BCAS3: variants seen among roughly 807,000 people sequenced by gnomAD.
The protein encoded by BCAS3 is BCAS3 microtubule associated cell migration factor.
A neutral mutation model predicts 116.1 loss-of-function variants in BCAS3; 53 were observed. The ratio of observed to expected loss-of-function variants is 0.46; its 90% CI spans 0.37 to 0.57. The LOEUF (loss-of-function observed/expected upper bound fraction) is 0.57, where lower values mean the gene tolerates loss of function less well. Among genes scored for constraint, BCAS3 ranks in the 20% least tolerant of loss-of-function variants. BCAS3 has a pLI of 0.00. For missense variants in BCAS3, 917 were observed against 1,165.4 expected (o/e 0.79, Z 3.10); for synonymous variants, 391 against 408.2 (o/e 0.96, Z 0.51).
chr17:61,070,893 G>A (rs928636648), intron 19 of BCAS3, among the ~76,000 whole-genome samples: 7 of 152,146 alleles, frequency 4.6e-5, no homozygotes, highest in Non-Finnish European at 7.3e-5. Flanking sequence ...CTGTAAAACA[G>A]AAGCCACCTA....
intron 22 of BCAS3, among the ~76,000 whole-genome samples, chr17:61,322,622 T>G (rs1172912781): frequency 6.6e-6 from 1 of 152,060 alleles, no homozygotes; most frequent in East Asian, 1.9e-4. Context: ...TTCAAACAAG[T>G]GAGTTGTGTT....
intron 22 of BCAS3, among the ~76,000 whole-genome samples, chr17:61,357,531 G>A (rs1305464124): frequency 6.7e-6 from 1 of 149,048 alleles, no homozygotes; most frequent in East Asian, 2.0e-4. Context: ...TGCAGCCTCT[G>A]CCTCCTGGGT....
At chr17:61,060,681 C>T (rs1488575788) in intron 19 of BCAS3, among the ~76,000 whole-genome samples, 1 of 152,072 alleles carries the variant, frequency 6.6e-6, no homozygotes, top group African/African-American at 2.4e-5. Flanking sequence ...ATTGGAGAAA[C>T]GTTAGACGTA....
rs1363127956 is a variant in BCAS3, at chr17:61,208,303, G to A, written c.2425+123739G>A. ...AAAGCGGGACTCTTCTCCTCCCAGG[G>A]ACCAGAGAATTTTCTTCTTGATGTT... On this transcript the variant is annotated intron_variant, in intron 22 of 23. Transcript: ENST00000407086. This position sits in a 1 kb window ranked among gnomAD's most constrained non-coding sequence, Gnocchi z 4.5. Among the ~76,000 whole-genome samples the A allele has an allele frequency of 1.3e-5, 2 of 152,092 alleles. No homozygotes were observed. The highest frequency in any genetic ancestry group is 3.9e-4 in the East Asian group (2 of 5,182).
chr17:61,247,360 G>A (rs1055929610), intron 22 of BCAS3, among the ~76,000 whole-genome samples: 29 of 152,014 alleles, frequency 1.9e-4, no homozygotes, highest in Admixed American at 3.3e-4. Context: ...TGAGTGGAGA[G>A]GTCACTTATC....
chr17:60,824,702 A>G (rs559936266), intron 7 of BCAS3, among the ~76,000 whole-genome samples: 136 of 152,282 alleles, frequency 8.9e-4, no homozygotes, highest in African/African-American at 2.8e-3. Context: ...TTGAATATTT[A>G]TAATCCCCCT....
intron 13 of BCAS3, among the ~76,000 whole-genome samples, chr17:60,938,711 A>AAGAT (rs77328962): frequency 0.34 from 49,396 of 146,534 alleles, 8,264 homozygotes; most frequent in Non-Finnish European, 0.35. Flanking sequence ...TTTCTGATAG[A>AAGAT]AGATAGATAG....
At chr17:61,075,236 A>T (rs2071856643) in intron 20 of BCAS3, among the ~76,000 whole-genome samples, 1 of 152,166 alleles carries the variant, frequency 6.6e-6, no homozygotes, top group Non-Finnish European at 1.5e-5. Context: ...ATATATATAT[A>T]TGTTAGCTTC....
At chr17:60,823,219 C>A (rs2050108458) in intron 7 of BCAS3, among the ~76,000 whole-genome samples, 1 of 152,036 alleles carries the variant, frequency 6.6e-6, no homozygotes, top group Non-Finnish European at 1.5e-5. Context: ...CTGTAGTTTG[C>A]CATGTTTCCC....
intron 13 of BCAS3, among the ~76,000 whole-genome samples, chr17:60,932,911 A>G (rs1030718180): frequency 6.6e-6 from 1 of 152,052 alleles, no homozygotes; most frequent in Non-Finnish European, 1.5e-5. Flanking sequence ...GCGGTGGCTC[A>G]TCCCAGTAAT....
intron 14 of BCAS3, among the ~76,000 whole-genome samples, chr17:60,978,316 G>C (rs2062559561): frequency 6.8e-6 from 1 of 147,506 alleles, no homozygotes. Context: ...AGAAGTGTCT[G>C]TTCATGTCCT....
chr17:60,762,248 G>C (rs1294518003), intron 6 of BCAS3, among the ~76,000 whole-genome samples: 1 of 152,078 alleles, frequency 6.6e-6, no homozygotes, highest in Non-Finnish European at 1.5e-5. Flanking sequence ...CATTGCTTTT[G>C]GTGTTTTAGT....
chr17:60,703,140 T>C lies in BCAS3; in HGVS notation c.215-6079T>C, dbSNP rs187853836. On this transcript the variant is annotated intron_variant, in intron 4 of 23. Transcript: ENST00000407086. ...AAATACAAAAATTAGCTGGGTGTTG[T>C]GGCAGGTGCCTCTAATCCCAGCTAC... 1.8e-4 allele frequency among the ~76,000 whole-genome samples: 27 copies of C among 151,918 alleles called. No individual in the cohort carries two copies. The East Asian group carries it at 3.9e-3, about 22-fold the overall frequency.
In BCAS3 at chr17:60,902,620, T is replaced by G. The variant is rs1216432831; in HGVS notation, c.739T>G (p.Leu247Val). ...SRWLAYAENK[L>V]IRCHQSRGGA... ...GCTTCTCTCTCTCTCTTTTTCTCAGTTGATTCGATGTCATCAGTCCCGTGG... is the reference window on the plus strand; with the variant it reads ...GCTTCTCTCTCTCTCTTTTTCTCAGGTGATTCGATGTCATCAGTCCCGTGG... The change falls in exon 11 of 24, where the codon TTG becomes GTG. Residue 247 changes from leucine (L) to valine (V), a missense_variant and splice_region_variant. Leu to Val is a conservative substitution (Grantham distance 32). This residue lies in a region of BCAS3 where 807 missense variants were observed against 1,026.0 expected (regional missense o/e 0.79). Coordinates refer to ENST00000407086, the MANE Select transcript of BCAS3 (RefSeq NM_017679.5). The G allele has an allele frequency of 6.2e-7, 1 of 1,605,572 alleles. No homozygotes were observed. The highest frequency in any genetic ancestry group is 1.3e-5 in the African/African-American group (1 of 74,860).
Position 61,126,853 on chromosome 17 carries a change from C to T in BCAS3, c.2425+42289C>T, listed in dbSNP as rs1030522503. 3.9e-5 allele frequency among the ~76,000 whole-genome samples: 6 copies of T among 152,012 alleles called. No individual in the cohort carries two copies. The highest frequency in any genetic ancestry group is 4.2e-4 in the South Asian group (2 of 4,814). ...TTCTTTGTGGGAAAAATATTACAAC[C>T]GTATCATTACTACTTTGAATACAGG... On this transcript the variant is annotated intron_variant, in intron 22 of 23. Coordinates refer to ENST00000407086, the MANE Select transcript of BCAS3 (RefSeq NM_017679.5). This position sits in a 1 kb window ranked among gnomAD's most constrained non-coding sequence, Gnocchi z 4.6.
chr17:61,368,312 C>T lies in BCAS3; in HGVS notation c.2426-15C>T, dbSNP rs891393314. The T allele has an allele frequency of 1.3e-6, 2 of 1,578,776 alleles. No individual in the cohort carries two copies. Among genetic ancestry groups the T allele is most frequent in the Non-Finnish European group, 1.7e-6 (2 of 1,154,226 alleles). On this transcript the variant is annotated splice_polypyrimidine_tract_variant and intron_variant, in intron 22 of 23. Coordinates refer to ENST00000407086, the MANE Select transcript of BCAS3 (RefSeq NM_017679.5). This position sits in a 1 kb window ranked among gnomAD's most constrained non-coding sequence, Gnocchi z 6.0. ...AGGTGTGGACTCAACGTCAGATGTC[C>T]CGTGTGTGCCACAGGTACCTTTGAC...
intron 19 of BCAS3, among the ~76,000 whole-genome samples, chr17:61,042,748 G>A (rs547888881): frequency 1.3e-5 from 2 of 151,010 alleles, no homozygotes; most frequent in East Asian, 3.9e-4. Context: ...AAATTAGCCG[G>A]GTGTGGTGGT....
chr17:61,179,718 A>G (rs1173508685), intron 22 of BCAS3, among the ~76,000 whole-genome samples: 15 of 152,168 alleles, frequency 9.9e-5, no homozygotes, highest in Admixed American at 2.0e-4. Flanking sequence ...CTTTAGGGAA[A>G]TCATTCTATA....
intron 13 of BCAS3, among the ~76,000 whole-genome samples, chr17:60,938,848 AAC>A (rs896790017): frequency 3.9e-5 from 6 of 152,344 alleles, no homozygotes; most frequent in East Asian, 1.9e-4. Context: ...GCACACAAAA[AAC>A]TGATCAACAT....
Sources: allele counts gnomAD v4.1 joint callset (sites outside exome capture counted in the v4.1 genomes callset), GRCh38; gene constraint gnomAD v4.1.1; regional missense constraint gnomAD v4.1.1; non-coding constraint Gnocchi (gnomAD v3.1); transcripts MANE v1.5; gene names NCBI Gene and HGNC (gene_info 2026-07-23, HGNC 2026-07-21).